CALCOCO2: variants seen among roughly 807,000 people sequenced by gnomAD.
CALCOCO2 encodes the protein calcium binding and coiled-coil domain 2, also known as calcium-binding and coiled-coil domain-containing protein 2.
CALCOCO2 carries 42 observed loss-of-function variants against 62.5 expected under a neutral mutation model. That is an observed-to-expected ratio of 0.67 (90% confidence interval 0.53 to 0.87). The LOEUF (loss-of-function observed/expected upper bound fraction) is 0.87, where lower values mean the gene tolerates loss of function less well. Ranked by LOEUF, CALCOCO2 falls within the 40% of genes least tolerant of loss-of-function variation. The pLI is 0.00. For missense variants in CALCOCO2, 456 were observed against 515.0 expected (o/e 0.89, Z 1.11); for synonymous variants, 167 against 173.0 (o/e 0.97, Z 0.27).
chr17:48,846,673 G>A (rs1246842133), intron 2 of CALCOCO2, among the ~76,000 whole-genome samples: 1 of 152,154 alleles, frequency 6.6e-6, no homozygotes, highest in Non-Finnish European at 1.5e-5. Context: ...GCTCTGAGAT[G>A]CTTACAGCAA....
chr17:48,849,869 A>G (rs1486063545), intron 5 of CALCOCO2, among the ~76,000 whole-genome samples: 1 of 152,006 alleles, frequency 6.6e-6, no homozygotes, highest in East Asian at 1.9e-4. Context: ...TAAATATACT[A>G]TCATTTGGCC....
At position 48,852,594 on chromosome 17, in the gene CALCOCO2, A is replaced by C; in HGVS notation, c.791A>C (p.Glu264Ala). 6.2e-7 allele frequency: 1 copy of C among 1,613,374 alleles called. No individual in the cohort carries two copies. The highest frequency in any genetic ancestry group is 8.5e-7 in the Non-Finnish European group (1 of 1,179,318). The change falls in exon 8 of 13, where the codon GAA becomes GCA. Residue 264 changes from glutamate to alanine, a missense_variant. Coordinates refer to ENST00000258947, the MANE Select transcript of CALCOCO2 (RefSeq NM_005831.5). ...GAGCAGTTAGAGCAGCTGAAAAAGG[A>C]AAATGACCACCTCTTTCTCAGTTTA... ...KTEQLEQLKK[E>A]NDHLFLSLTE...
In CALCOCO2 at chr17:48,851,064, C is replaced by T. The variant is rs145752861; in HGVS notation, c.544-25C>T. 220 of 1,298,342 alleles carry T rather than the reference C, an allele frequency of 1.7e-4. No homozygotes were observed. In the East Asian group the frequency reaches 4.9e-3, roughly 29 times the overall value. 80.4% of individuals were successfully genotyped at this position (1,298,342 alleles called of 1,614,324 possible). A position where few individuals can be genotyped will look rare whatever the true frequency, so the allele number is the denominator to read the frequency against. ...TCAAAAGTCATAGAACTAGTCTGTC[C>T]CTTTGATGTTGTTTCAATCTATAGG... On this transcript the variant is annotated intron_variant, in intron 5 of 12. Coordinates refer to ENST00000258947, the MANE Select transcript of CALCOCO2 (RefSeq NM_005831.5).
At chr17:48,861,340 C>T (rs1336058600) in intron 11 of CALCOCO2, among the ~76,000 whole-genome samples, 2 of 152,114 alleles carry the variant, frequency 1.3e-5, no homozygotes, top group Non-Finnish European at 2.9e-5. Flanking sequence ...CCTCAGCCTA[C>T]CAAGTAGCAG....
intron 1 of CALCOCO2, among the ~76,000 whole-genome samples, chr17:48,834,724 A>G (rs956834606): frequency 1.3e-5 from 2 of 151,982 alleles, no homozygotes; most frequent in African/African-American, 4.8e-5. Context: ...AAAGGTGGTT[A>G]AAGGAGGGGA....
intron 10 of CALCOCO2, among the ~76,000 whole-genome samples, chr17:48,857,569 C>G (rs1297946686): frequency 7.1e-6 from 1 of 140,078 alleles, no homozygotes; most frequent in Non-Finnish European, 1.5e-5. Flanking sequence ...GTGGCATGAT[C>G]GTGACTCACT....
At position 48,863,331 on chromosome 17, in the gene CALCOCO2, G is replaced by A; in HGVS notation, c.*326G>A. The A allele has an allele frequency of 3.3e-6, 1 of 300,680 alleles. No individual in the cohort carries two copies. The highest frequency in any genetic ancestry group is 6.5e-6 in the Non-Finnish European group (1 of 153,044). The allele number at this position is 300,680 out of a possible 1,614,324, so 18.6% of individuals were successfully genotyped here. On this transcript the variant is annotated 3_prime_UTR_variant, in exon 13 of 13. Coordinates refer to ENST00000258947, the MANE Select transcript of CALCOCO2 (RefSeq NM_005831.5). ...CAACAGGCCTGACTTGATACTAAGT[G>A]ATTAGTTTTCCAAGTTGTCCCACTG...
chr17:48,845,103 T>C (rs1458050831), intron 2 of CALCOCO2, among the ~76,000 whole-genome samples: 1 of 151,872 alleles, frequency 6.6e-6, no homozygotes, highest in Non-Finnish European at 1.5e-5. Context: ...GCCACTGCAC[T>C]CCAGCCTGGG....
chr17:48,860,712 C>A (rs1480278676), intron 11 of CALCOCO2, among the ~76,000 whole-genome samples: 10 of 152,108 alleles, frequency 6.6e-5, no homozygotes, highest in Admixed American at 5.2e-4. Context: ...ATGTGTAAAT[C>A]AGAGAAATGT....
chr17:48,861,678 A>ATATATATATATATATATATATAT (rs2040330228), intron 11 of CALCOCO2, among the ~76,000 whole-genome samples: 1 of 84,222 alleles, frequency 1.2e-5, no homozygotes, highest in African/African-American at 7.9e-5. Flanking sequence ...TATATATATA[A>ATATATATATATATATATATATAT]AGCCTGTGTG....
At chr17:48,836,918 C>T (rs908270321) in intron 1 of CALCOCO2, among the ~76,000 whole-genome samples, 1 of 152,094 alleles carries the variant, frequency 6.6e-6, no homozygotes, top group Non-Finnish European at 1.5e-5. Context: ...TGCCACCACA[C>T]CCAGCTAATT....
chr17:48,851,655 G>A, intron 7 of CALCOCO2, 27 bp downstream of exon 7: 2 of 1,388,674 alleles, frequency 1.4e-6, no homozygotes, highest in Non-Finnish European at 2.1e-6. Flanking sequence ...GTTTGTCAAA[G>A]GATATTTTCT....
In CALCOCO2 at chr17:48,841,885, A is replaced by C. The variant is rs758174944; in HGVS notation, c.178A>C (p.Arg60=). Reference sequence around the variant, plus strand: ...TCGAAAGGATTGGATTGGCATCTTTAGAGTAAGTGGTTAATTCAGTACCAA... The same window carrying C: ...TCGAAAGGATTGGATTGGCATCTTTCGAGTAAGTGGTTAATTCAGTACCAA... The part of the protein sequence containing the change: ...PRRKDWIGIF[R]VGWKTTREYY... The change falls in exon 2 of 13, where the codon AGA becomes CGA. Residue 60 remains arginine, a splice_region_variant and synonymous_variant. Transcript: ENST00000258947. 2.2e-5 allele frequency: 35 copies of C among 1,608,374 alleles called. No individual in the cohort carries two copies. Among genetic ancestry groups the C allele is most frequent in the Non-Finnish European group, 5.1e-6 (6 of 1,176,410 alleles).
rs201961359 is a variant in CALCOCO2, at chr17:48,852,937, G to A, written c.837G>A (p.Gln279=). Residue 279 remains glutamine (Q), a synonymous_variant, in exon 9 of 13, where the codon CAG becomes CAA. Coordinates refer to ENST00000258947, the MANE Select transcript of CALCOCO2 (RefSeq NM_005831.5). ...FLSLTEQRKD[Q]KKLEQTVEQM... ...CTCTTTTTGTGCAGAGGAAGGACCAGAAGAAGCTCGAGCAGACAGTGGAGC... is the reference window on the plus strand; with the variant it reads ...CTCTTTTTGTGCAGAGGAAGGACCAAAAGAAGCTCGAGCAGACAGTGGAGC... 5.6e-6 allele frequency: 9 copies of A among 1,613,082 alleles called. No individual in the cohort carries two copies. In the East Asian group the frequency reaches 2.0e-4, roughly 36 times the overall value.
chr17:48,847,435 G>C (rs961468580), intron 2 of CALCOCO2, among the ~76,000 whole-genome samples: 2 of 152,132 alleles, frequency 1.3e-5, no homozygotes, highest in African/African-American at 4.8e-5. Context: ...TCTCTGACTT[G>C]TAGATAGAAT....
chr17:48,860,096 A>C (rs761145819), intron 10 of CALCOCO2, among the ~76,000 whole-genome samples: 53 of 152,194 alleles, frequency 3.5e-4, no homozygotes, highest in Non-Finnish European at 6.0e-4. Flanking sequence ...TCTGACTCAA[A>C]ATAAATAAAT....
chr17:48,855,927 T>G (rs1567757918), intron 9 of CALCOCO2, 165 bp from the exon 10 acceptor site: 2 of 366,916 alleles, frequency 5.5e-6, no homozygotes, highest in Non-Finnish European at 9.8e-6. Flanking sequence ...TCTTTTTAAG[T>G]CACTTTAATT....
In CALCOCO2 at chr17:48,841,841, C is replaced by T; in HGVS notation, c.134C>T (p.Thr45Ile). ...GACGTCACATGTCATTATACCTTCA[C>T]CCAGCATTTCATCCCTCGTCGAAAG... is the stretch of plus-strand genomic sequence containing the variant. ...GGDVTCHYTF[T>I]QHFIPRRKDW... is the part of the protein sequence containing the mutation. Residue 45 changes from threonine to isoleucine, a missense_variant, in exon 2 of 13, where the codon ACC becomes ATC. This residue lies in a region of CALCOCO2 where 48 missense variants were observed against 79.3 expected (regional missense o/e 0.61). Coordinates refer to ENST00000258947, the MANE Select transcript of CALCOCO2 (RefSeq NM_005831.5). 6.2e-7 allele frequency: 1 copy of T among 1,613,192 alleles called. No homozygotes were observed. The highest frequency in any genetic ancestry group is 1.1e-5 in the South Asian group (1 of 90,982).
intron 2 of CALCOCO2, among the ~76,000 whole-genome samples, chr17:48,843,435 C>T (rs913859148): frequency 6.6e-6 from 1 of 152,200 alleles, no homozygotes; most frequent in Non-Finnish European, 1.5e-5. Context: ...TGCTATTCAT[C>T]CTGAAATCAG....
Sources: gnomAD v4.1 joint callset for allele counts (sites outside exome capture counted in the v4.1 genomes callset) on GRCh38, gnomAD v4.1.1 for gene constraint, gnomAD v4.1.1 regional missense constraint, MANE v1.5 for transcripts, NCBI Gene and HGNC (gene_info 2026-07-23, HGNC 2026-07-21) for gene names.